The following OSBP2 variants were observed in gnomAD, a reference collection of about 807,000 sequenced individuals.
The protein encoded by OSBP2 is oxysterol-binding protein 2.
A neutral mutation model predicts 96.0 loss-of-function variants in OSBP2; 66 were observed. The ratio of observed to expected loss-of-function variants is 0.69; its 90% CI spans 0.56 to 0.84. OSBP2 has a LOEUF of 0.84. OSBP2 is among the 40% of genes least tolerant of loss of function. The pLI is 0.00. For synonymous variants in OSBP2, 525 were observed against 520.9 expected (o/e 1.01, Z -0.11); for missense variants, 1,038 against 1,222.7 (o/e 0.85, Z 2.25).
chr22:30,739,062 T>G (rs532835577), intron 1 of OSBP2, among the ~76,000 whole-genome samples: 32 of 152,266 alleles, frequency 2.1e-4, no homozygotes, highest in African/African-American at 7.5e-4. Context: ...GGGAAAAGAT[T>G]TATTATGTCG....
chr22:30,868,513 C>T (rs1315201001), intron 2 of OSBP2, among the ~76,000 whole-genome samples: 3 of 152,264 alleles, frequency 2.0e-5, no homozygotes, highest in Non-Finnish European at 4.4e-5. Context: ...CATCCCCAGG[C>T]AATAGATGAG....
chr22:30,708,961 A>G (rs1345094776), intron 1 of OSBP2, among the ~76,000 whole-genome samples: 1 of 151,518 alleles, frequency 6.6e-6, no homozygotes, highest in South Asian at 2.1e-4. Flanking sequence ...TTAGCCGGGT[A>G]TGGTGGTGGG....
intron 2 of OSBP2, among the ~76,000 whole-genome samples, chr22:30,859,531 G>A (rs1053791627): frequency 4.6e-5 from 7 of 152,238 alleles, no homozygotes; most frequent in African/African-American, 9.6e-5. Context: ...GAGCCCGTTG[G>A]TAGGGCCAGT....
chr22:30,789,261 C>G (rs1017502451), intron 2 of OSBP2, among the ~76,000 whole-genome samples: 5 of 152,260 alleles, frequency 3.3e-5, no homozygotes, highest in African/African-American at 7.2e-5. Context: ...TGTGTTGTCT[C>G]TGAGATGCAG....
rs563255733 is a variant in OSBP2 at position 30,841,350 on chromosome 22, T to C, written c.854-29079T>C. Among the ~76,000 whole-genome samples, 5 of 152,314 alleles carry C rather than the reference T, an allele frequency of 3.3e-5. No individual in the cohort carries two copies. In the South Asian group the frequency reaches 1.0e-3, roughly 32 times the overall value. Reference sequence around the variant, plus strand: ...TCCTGACCCCTCAACCCTAAGCAACTGCTGTCTACTTTCTGTCTCTATAGG... The same window carrying C: ...TCCTGACCCCTCAACCCTAAGCAACCGCTGTCTACTTTCTGTCTCTATAGG... On this transcript the variant is annotated intron_variant, in intron 2 of 13. Transcript: ENST00000332585.
chr22:30,780,981 A>T (rs889843434), intron 2 of OSBP2, among the ~76,000 whole-genome samples: 19 of 147,894 alleles, frequency 1.3e-4, no homozygotes, highest in South Asian at 8.6e-4. Flanking sequence ...AATATTTAAA[A>T]TTTTTTTTTT....
At chr22:30,804,371 T>C (rs1482233642) in intron 2 of OSBP2, among the ~76,000 whole-genome samples, 1 of 152,212 alleles carries the variant, frequency 6.6e-6, no homozygotes, top group Non-Finnish European at 1.5e-5. Context: ...ATCTGTGTTT[T>C]GTTCCGTCTA....
intron 2 of OSBP2, chr22:30,803,196 A>C (rs555725792): frequency 1.9e-5 from 3 of 159,284 alleles, no homozygotes; most frequent in Non-Finnish European, 4.2e-5. Context: ...GGGCGGGCGG[A>C]AGAGGGATGG....
intron 2 of OSBP2, among the ~76,000 whole-genome samples, chr22:30,742,150 C>T (rs974020046): frequency 3.4e-5 from 5 of 148,806 alleles, no homozygotes; most frequent in African/African-American, 1.2e-4. Flanking sequence ...ATGTAATGTT[C>T]GGCTGGGTGT....
chr22:30,853,871 C>T (rs761920508), intron 2 of OSBP2, among the ~76,000 whole-genome samples: 69 of 151,888 alleles, frequency 4.5e-4, no homozygotes, highest in Admixed American at 7.2e-4. Context: ...GCGATTCTCC[C>T]GCCTCAGCTT....
At chr22:30,738,482 C>T (rs551395981) in intron 1 of OSBP2, among the ~76,000 whole-genome samples, 9 of 152,164 alleles carry the variant, frequency 5.9e-5, no homozygotes, top group African/African-American at 9.6e-5. Flanking sequence ...TTCAGCTACA[C>T]GTCATCTTCT....
intron 4 of OSBP2, 97 bp from the exon 5 acceptor site, chr22:30,888,126 C>A: frequency 2.5e-6 from 2 of 801,188 alleles, no homozygotes; most frequent in Non-Finnish European, 4.3e-6. Context: ...GGGAGTGAGG[C>A]CAGATGGGGG....
At chr22:30,709,035 G>A (rs1288553113) in intron 1 of OSBP2, among the ~76,000 whole-genome samples, 2 of 151,974 alleles carry the variant, frequency 1.3e-5, no homozygotes, top group Admixed American at 6.6e-5. Context: ...AAGAGGTGGA[G>A]GTTGCTGTGA....
rs564339194 is a variant in OSBP2 at position 30,881,884 on chromosome 22, A to G, written c.1108-5542A>G. ...AGGCAGCTCATGTGCTGTGGGGGTAAAGGTCTTGGGTGCAGCCACATGAGG... is the reference window on the plus strand; with the variant it reads ...AGGCAGCTCATGTGCTGTGGGGGTAGAGGTCTTGGGTGCAGCCACATGAGG... On this transcript the variant is annotated intron_variant, in intron 3 of 13. Transcript: ENST00000332585. The surrounding 1 kb of genome is among the most constrained non-coding windows in gnomAD (Gnocchi z 4.5). The G allele has an allele frequency of 1.6e-6, 2 of 1,230,464 alleles. No individual in the cohort carries two copies. Among genetic ancestry groups the G allele is most frequent in the Non-Finnish European group, 2.2e-6 (2 of 928,998 alleles). 76.2% of individuals were successfully genotyped at this position (1,230,464 alleles called of 1,614,324 possible). A position where few individuals can be genotyped will look rare whatever the true frequency, so the allele number is the denominator to read the frequency against.
chr22:30,822,081 C>T (rs1371459622), intron 2 of OSBP2, among the ~76,000 whole-genome samples: 2 of 152,198 alleles, frequency 1.3e-5, no homozygotes, highest in African/African-American at 2.4e-5. Flanking sequence ...CTGCAGGTGG[C>T]CAGACACAGG....
chr22:30,813,726 A>G (rs1441872013), intron 2 of OSBP2, among the ~76,000 whole-genome samples: 2 of 151,948 alleles, frequency 1.3e-5, no homozygotes, highest in Non-Finnish European at 2.9e-5. Context: ...TGACTCTTCT[A>G]GCACCAGCCT....
chr22:30,772,538 G>A (rs2090362121), intron 2 of OSBP2, among the ~76,000 whole-genome samples: 1 of 152,182 alleles, frequency 6.6e-6, no homozygotes, highest in South Asian at 2.1e-4. Context: ...TCAGCCAGAA[G>A]TGTCACCTTC....
At chr22:30,751,082 T>A (rs1302425859) in intron 2 of OSBP2, among the ~76,000 whole-genome samples, 1 of 151,982 alleles carries the variant, frequency 6.6e-6, no homozygotes, top group Non-Finnish European at 1.5e-5. Flanking sequence ...TTAGAAAAAA[T>A]TTAAATCTAC....
chr22:30,768,624 C>T (rs2090308251), intron 2 of OSBP2, among the ~76,000 whole-genome samples: 2 of 151,914 alleles, frequency 1.3e-5, no homozygotes, highest in Admixed American at 1.3e-4. Flanking sequence ...TTGCAGTGAG[C>T]CAAGATCACA....
Sources: gnomAD v4.1 joint callset for allele counts (sites outside exome capture counted in the v4.1 genomes callset) on GRCh38, gnomAD v4.1.1 for gene constraint, Gnocchi (gnomAD v3.1) non-coding constraint, MANE v1.5 for transcripts, NCBI Gene and HGNC (gene_info 2026-07-23, HGNC 2026-07-21) for gene names.